The following AUTS2 variants were observed in gnomAD, a reference collection of about 807,000 sequenced individuals.
AUTS2 encodes the protein autism susceptibility gene 2 protein.
Under a neutral mutation model 112.4 loss-of-function variants are expected in AUTS2, and 17 were observed. The ratio of observed to expected loss-of-function variants is 0.15; its 90% CI spans 0.10 to 0.23. AUTS2 has a LOEUF of 0.23. Ranked by LOEUF, AUTS2 falls within the 10% of genes least tolerant of loss-of-function variation. The pLI, the probability that AUTS2 is intolerant of heterozygous loss-of-function variation, is 1.00. For synonymous variants in AUTS2, 751 were observed against 702.7 expected (o/e 1.07, Z -1.09); for missense variants, 1,510 against 1,701.6 (o/e 0.89, Z 1.98).
intron 6 of AUTS2, among the ~76,000 whole-genome samples, chr7:70,724,798 A>C (rs1331636359): frequency 6.6e-6 from 1 of 152,174 alleles, no homozygotes; most frequent in Non-Finnish European, 1.5e-5. Context: ...TACTGCTAAA[A>C]CTAGATTAGT....
intron 4 of AUTS2, among the ~76,000 whole-genome samples, chr7:70,229,603 A>T (rs1811940138): frequency 6.6e-6 from 1 of 152,116 alleles, no homozygotes; most frequent in Admixed American, 6.6e-5. Context: ...GTTTAGATTA[A>T]TGTTTTTCAT....
chr7:70,193,284 G>A (rs1810000474), intron 4 of AUTS2, among the ~76,000 whole-genome samples: 1 of 152,194 alleles, frequency 6.6e-6, no homozygotes, highest in South Asian at 2.1e-4. Context: ...CAGGCTTAAT[G>A]AGGGAAAAGA....
intron 5 of AUTS2, among the ~76,000 whole-genome samples, chr7:70,632,410 C>G (rs1805309491): frequency 6.6e-6 from 1 of 152,050 alleles, no homozygotes; most frequent in Non-Finnish European, 1.5e-5. Flanking sequence ...TTGGCCTTTG[C>G]TCATTCTTCG....
intron 1 of AUTS2, among the ~76,000 whole-genome samples, chr7:69,615,073 T>C (rs1248984515): frequency 1.3e-5 from 2 of 152,206 alleles, no homozygotes; most frequent in Non-Finnish European, 2.9e-5. Context: ...AAAATACAAG[T>C]TCTATATTGA....
At chr7:70,155,934 T>G (rs898210080) in intron 4 of AUTS2, among the ~76,000 whole-genome samples, 207 of 152,302 alleles carry the variant, frequency 1.4e-3, no homozygotes, top group African/African-American at 4.8e-3. Flanking sequence ...TGATACCAGT[T>G]TCTGGCTTGG....
intron 1 of AUTS2, among the ~76,000 whole-genome samples, chr7:69,824,152 G>A (rs1263534293): frequency 1.3e-5 from 2 of 151,928 alleles, no homozygotes; most frequent in Non-Finnish European, 2.9e-5. Flanking sequence ...GGTGGCTCAC[G>A]TCTGTAATCC....
At chr7:69,813,931 G>C (rs975901192) in intron 1 of AUTS2, among the ~76,000 whole-genome samples, 1 of 152,208 alleles carries the variant, frequency 6.6e-6, no homozygotes, top group African/African-American at 2.4e-5. Context: ...AGCTGAGGTA[G>C]GGGTGGTTCA....
In AUTS2 at chr7:70,530,305, A is replaced by G. The variant is rs935835094; in HGVS notation, c.690+94524A>G. ...CTTATGGTTCAAGTTAACTGTATGA[A>G]GTAAACAGCCTTTAACGGCCTCCTG... On this transcript the variant is annotated intron_variant, in intron 5 of 18. Coordinates refer to ENST00000342771, the MANE Select transcript of AUTS2 (RefSeq NM_015570.4). Among the ~76,000 whole-genome samples the G allele has an allele frequency of 3.9e-5, 6 of 152,314 alleles. No individual in the cohort carries two copies. The East Asian group carries it at 1.2e-3, about 29-fold the overall frequency.
chr7:70,479,334 G>A (rs181339692), intron 5 of AUTS2, among the ~76,000 whole-genome samples: 21 of 152,286 alleles, frequency 1.4e-4, no homozygotes, highest in South Asian at 1.2e-3. Flanking sequence ...GTTTTATGGA[G>A]CTTGATTCTG....
chr7:70,281,104 T>C (rs1218222108), intron 4 of AUTS2, among the ~76,000 whole-genome samples: 1 of 152,198 alleles, frequency 6.6e-6, no homozygotes, highest in Non-Finnish European at 1.5e-5. Flanking sequence ...CTATGAACTT[T>C]ATGGATATCG....
At chr7:69,668,709 C>T (rs1358851359) in intron 1 of AUTS2, among the ~76,000 whole-genome samples, 1 of 152,136 alleles carries the variant, frequency 6.6e-6, no homozygotes, top group Admixed American at 6.5e-5. Flanking sequence ...CCTATGCTGC[C>T]CATCTTTCTT....
chr7:69,601,993 A>G (rs1792432798), intron 1 of AUTS2, among the ~76,000 whole-genome samples: 1 of 149,130 alleles, frequency 6.7e-6, no homozygotes, highest in Admixed American at 6.7e-5. Flanking sequence ...ACATTTTTGG[A>G]GGACAAGTAG....
chr7:69,928,502 T>C (rs1796110633), intron 2 of AUTS2, among the ~76,000 whole-genome samples: 2 of 152,144 alleles, frequency 1.3e-5, no homozygotes, highest in Non-Finnish European at 2.9e-5. Flanking sequence ...CCTCAGCAGC[T>C]CCAGCCTCCC....
intron 5 of AUTS2, among the ~76,000 whole-genome samples, chr7:70,615,023 G>A (rs986993650): frequency 6.6e-6 from 1 of 152,150 alleles, no homozygotes; most frequent in African/African-American, 2.4e-5. Flanking sequence ...GCCTTCCCAG[G>A]GTAGCTCTCT....
chr7:70,787,065 T>C, intron 17 of AUTS2, 144 bp from the exon 18 acceptor site: 1 of 810,674 alleles, frequency 1.2e-6, no homozygotes, highest in South Asian at 1.5e-5. Flanking sequence ...ATGAATTTGT[T>C]AATCTCCTTT....
chr7:70,738,909 A>G (rs1787929750), intron 6 of AUTS2, among the ~76,000 whole-genome samples: 1 of 149,432 alleles, frequency 6.7e-6, no homozygotes, highest in South Asian at 2.1e-4. Flanking sequence ...CATATTCAAA[A>G]CCCTCCCATC....
intron 1 of AUTS2, among the ~76,000 whole-genome samples, chr7:69,858,413 A>G (rs6945080): frequency 8.9e-4 from 136 of 152,268 alleles, no homozygotes; most frequent in Admixed American, 3.1e-3. Flanking sequence ...AAACTCACCT[A>G]CCCTGGCTGC....
At position 70,509,542 on chromosome 7, in the gene AUTS2, A is replaced by G. The variant is rs1264978268; in HGVS notation, c.690+73761A>G. Among the ~76,000 whole-genome samples, 6 of 152,208 alleles carry G rather than the reference A, an allele frequency of 3.9e-5. No homozygotes were observed. In the East Asian group the frequency reaches 1.2e-3, roughly 29 times the overall value. On this transcript the variant is annotated intron_variant, in intron 5 of 18. Transcript: ENST00000342771. Reference sequence around the variant, plus strand: ...GAATATAGGGAGGATTCTTTAGTTTACAGATTAAACTAAGGTTTAAAAGAG... The same window carrying G: ...GAATATAGGGAGGATTCTTTAGTTTGCAGATTAAACTAAGGTTTAAAAGAG...
chr7:70,359,526 C>A (rs2129626036), intron 4 of AUTS2, among the ~76,000 whole-genome samples: 1 of 152,226 alleles, frequency 6.6e-6, no homozygotes, highest in Admixed American at 6.5e-5. Flanking sequence ...CAAAACATGG[C>A]AGAGAAGGTC....
Sources: gnomAD v4.1 joint callset for allele counts (sites outside exome capture counted in the v4.1 genomes callset) on GRCh38, gnomAD v4.1.1 for gene constraint, MANE v1.5 for transcripts, NCBI Gene and HGNC (gene_info 2026-07-23, HGNC 2026-07-21) for gene names.